Variants in TEX9 observed in about 807,000 individuals in gnomAD.
The protein encoded by TEX9 is testis-expressed protein 9.
A neutral mutation model predicts 59.6 loss-of-function variants in TEX9; 74 were observed. That is an observed-to-expected ratio of 1.24 (90% CI 1.03 to 1.51). TEX9 has a LOEUF of 1.51. Among genes scored for constraint, TEX9 ranks in the 40% most tolerant of loss-of-function variants. The pLI is 0.00. For synonymous variants in TEX9, 186 were observed against 152.2 expected, an observed-to-expected ratio of 1.22 and a Z score of -1.64; for missense variants, 522 against 447.8, an observed-to-expected ratio of 1.17 and a Z score of -1.49.
intron 1 of TEX9, among the ~76,000 whole-genome samples, chr15:56,276,157 A>C (rs1448416341): frequency 6.6e-6 from 1 of 150,848 alleles, no homozygotes; most frequent in Non-Finnish European, 1.5e-5. Flanking sequence ...TTTTTTTTTA[A>C]TTTTAGTTTT....
intron 1 of TEX9, among the ~76,000 whole-genome samples, chr15:56,281,419 T>C (rs1476446140): frequency 1.3e-5 from 2 of 152,222 alleles, no homozygotes; most frequent in South Asian, 2.1e-4. Flanking sequence ...AGCCATGATA[T>C]TAGATTCTCA....
chr15:56,428,347 A>G lies in TEX9; in HGVS notation c.1099-20A>G. 2 of 1,586,046 alleles carry G rather than the reference A, an allele frequency of 1.3e-6. No individual in the cohort carries two copies. The highest frequency in any genetic ancestry group is 1.7e-6 in the Non-Finnish European group (2 of 1,156,464). On this transcript the variant is annotated intron_variant, in intron 11 of 12. Transcript: ENST00000352903. ...TACTCTTAATACTAAATCAGACAAT[A>G]TTGATTTTTTTTTTAACAGATGCAT...
intron 1 of TEX9, among the ~76,000 whole-genome samples, chr15:56,261,270 C>G (rs73411536): frequency 1.3e-4 from 20 of 151,520 alleles, no homozygotes; most frequent in Non-Finnish European, 2.1e-4. Flanking sequence ...TGTTCTTTTT[C>G]TAACTTCTTG....
intron 1 of TEX9, among the ~76,000 whole-genome samples, chr15:56,331,852 A>G (rs2046152683): frequency 6.7e-6 from 1 of 149,670 alleles, no homozygotes; most frequent in Admixed American, 6.7e-5. Context: ...TTATGCAGCC[A>G]AAAAACACAT....
chr15:56,368,996 T>A (rs2047068991), intron 2 of TEX9, among the ~76,000 whole-genome samples: 1 of 152,140 alleles, frequency 6.6e-6, no homozygotes. Flanking sequence ...TTTTTCTTAT[T>A]TCTTAATAAA....
At chr15:56,333,332 T>G (rs2046194399) in intron 1 of TEX9, among the ~76,000 whole-genome samples, 1 of 152,128 alleles carries the variant, frequency 6.6e-6, no homozygotes, top group Non-Finnish European at 1.5e-5. Flanking sequence ...TAAGTAGGAT[T>G]TATCCCAGTG....
intron 1 of TEX9, among the ~76,000 whole-genome samples, chr15:56,267,043 T>C (rs901063329): frequency 1.1e-4 from 16 of 152,198 alleles, no homozygotes; most frequent in Admixed American, 2.6e-4. Flanking sequence ...TGGTATCTCA[T>C]TGTGGTTTTG....
chr15:56,285,820 C>T (rs1275884478), intron 1 of TEX9, among the ~76,000 whole-genome samples: 1 of 151,928 alleles, frequency 6.6e-6, no homozygotes, highest in Non-Finnish European at 1.5e-5. Context: ...TAGGTAAAAC[C>T]TCAGTATACT....
chr15:56,351,217 G>A (rs1477835851), intron 1 of TEX9, among the ~76,000 whole-genome samples: 1 of 97,760 alleles, frequency 1.0e-5, no homozygotes, highest in Admixed American at 9.8e-5. Context: ...TAGATCCAAA[G>A]TAACGTTGTT....
intron 3 of TEX9, among the ~76,000 whole-genome samples, chr15:56,380,998 C>T (rs1355329170): frequency 4.6e-5 from 7 of 152,082 alleles, no homozygotes; most frequent in Admixed American, 3.3e-4. Context: ...ATTATCCCTT[C>T]GAATAAACTT....
At chr15:56,424,064 A>G (rs927406051) in intron 10 of TEX9, among the ~76,000 whole-genome samples, 2 of 152,098 alleles carry the variant, frequency 1.3e-5, no homozygotes, top group African/African-American at 4.8e-5. Context: ...CGGTGATTCT[A>G]TTGATTATTG....
intron 1 of TEX9, among the ~76,000 whole-genome samples, chr15:56,320,307 T>C (rs2045874416): frequency 6.6e-6 from 1 of 152,216 alleles, no homozygotes; most frequent in Non-Finnish European, 1.5e-5. Flanking sequence ...TAAAATACCA[T>C]AGACTGAGTA....
the TEX9 span, among the ~76,000 whole-genome samples, chr15:56,458,818 T>C: frequency 1.4e-4 from 21 of 152,314 alleles, no homozygotes; most frequent in African/African-American, 5.1e-4. Flanking sequence ...AATATTCCAT[T>C]GTCTGGATGT....
chr15:56,273,805 A>G (rs963560986), intron 1 of TEX9, among the ~76,000 whole-genome samples: 6 of 152,074 alleles, frequency 3.9e-5, no homozygotes, highest in Admixed American at 2.6e-4. Flanking sequence ...TCTAATTCTT[A>G]TATTTGTTGC....
intron 12 of TEX9, chr15:56,428,480 G>C (rs1315551730): frequency 1.5e-6 from 2 of 1,358,004 alleles, no homozygotes; most frequent in Non-Finnish European, 2.1e-6. Context: ...GACAGTATGT[G>C]ATGGATACCC....
intron 1 of TEX9, among the ~76,000 whole-genome samples, chr15:56,333,471 T>A: frequency 5.7e-5 from 2 of 34,904 alleles, no homozygotes; most frequent in Non-Finnish European, 1.3e-4. Flanking sequence ...CAACACTCCT[T>A]CATGATAAAA....
chr15:56,339,388 A>AC (rs2046323231), intron 1 of TEX9, among the ~76,000 whole-genome samples: 1 of 103,690 alleles, frequency 9.6e-6, no homozygotes, highest in Non-Finnish European at 2.1e-5. Flanking sequence ...TTCTCCAAAA[A>AC]AAAAAAAAAA....
intron 3 of TEX9, among the ~76,000 whole-genome samples, chr15:56,381,898 T>G (rs189112332): frequency 1.9e-4 from 29 of 152,300 alleles, no homozygotes; most frequent in Non-Finnish European, 4.1e-4. Flanking sequence ...AGCTCTACAA[T>G]CAGCAGGTGA....
At position 56,389,326 on chromosome 15, in the gene TEX9, CA is replaced by C; in HGVS notation, c.326del (p.Asn109ThrfsTer5). The C allele has an allele frequency of 6.2e-7, 1 of 1,610,188 alleles. No homozygotes were observed. ...CAATTCTTTTCATGTAGCCAAAGAC[CA>C]AAAACATTGATCCTGTAAACAAGGT... is the stretch of plus-strand genomic sequence containing the variant. On this transcript the variant is annotated frameshift_variant, in exon 6 of 13. Transcript: ENST00000352903. LOFTEE classifies it high-confidence loss of function.
Sources: allele counts gnomAD v4.1 joint callset (sites outside exome capture counted in the v4.1 genomes callset), GRCh38; gene constraint gnomAD v4.1.1; transcripts MANE v1.5; gene names NCBI Gene and HGNC (gene_info 2026-07-23, HGNC 2026-07-21).